The following CNTNAP2 variants were observed in gnomAD, a reference collection of about 807,000 sequenced individuals.
The protein encoded by CNTNAP2 is contactin associated protein 2.
A neutral mutation model predicts 155.2 loss-of-function variants in CNTNAP2; 98 were observed. That is an observed-to-expected ratio of 0.63 (90% confidence interval 0.54 to 0.75). CNTNAP2 has a LOEUF of 0.75. Ranked by LOEUF, CNTNAP2 falls within the 30% of genes least tolerant of loss-of-function variation. The probability of loss-of-function intolerance (pLI) is 0.00; values close to 1 mark genes in which losing one functional copy is unlikely to be tolerated. For synonymous variants in CNTNAP2, 651 were observed against 631.2 expected (o/e 1.03, Z -0.47); for missense variants, 1,727 against 1,688.1 (o/e 1.02, Z -0.40).
rs147027146 is a variant in CNTNAP2 at position 147,620,954 on chromosome 7, A to G, written c.1898-18152A>G. 3.2e-3 allele frequency among the ~76,000 whole-genome samples: 485 copies of G among 152,292 alleles called. 3 individuals are homozygous for G. The highest frequency in any genetic ancestry group is 0.011 in the African/African-American group (451 of 41,576). On this transcript the variant is annotated intron_variant, in intron 12 of 23. Coordinates refer to ENST00000361727, the MANE Select transcript of CNTNAP2 (RefSeq NM_014141.6). The stretch of plus-strand genomic sequence containing the variant: ...GGCATTTAATAACTCCAAAAGGTCA[A>G]GGATAAAGAAAGGATTCTAAAAGCA...
chr7:148,330,993 G>C (rs911502535), intron 21 of CNTNAP2, among the ~76,000 whole-genome samples: 2 of 149,852 alleles, frequency 1.3e-5, no homozygotes, highest in Non-Finnish European at 3.0e-5. Flanking sequence ...TGGAATGAAC[G>C]CATGGAATGA....
chr7:147,326,124 C>T (rs946356165), intron 9 of CNTNAP2, among the ~76,000 whole-genome samples: 2 of 152,214 alleles, frequency 1.3e-5, no homozygotes, highest in Non-Finnish European at 1.5e-5. Context: ...TGGGGTTTCA[C>T]CGTGTTAGCC....
chr7:146,732,884 T>G (rs1801550600), intron 1 of CNTNAP2, among the ~76,000 whole-genome samples: 1 of 152,148 alleles, frequency 6.6e-6, no homozygotes, highest in South Asian at 2.1e-4. Context: ...ATTTGCATTA[T>G]TTTTTATTAT....
chr7:147,042,113 T>A (rs1799270908), intron 3 of CNTNAP2, among the ~76,000 whole-genome samples: 1 of 152,224 alleles, frequency 6.6e-6, no homozygotes, highest in Admixed American at 6.5e-5. Context: ...GAGGATGCTC[T>A]ATTAAGTGTT....
chr7:146,725,655 C>T (rs1366495791), intron 1 of CNTNAP2, among the ~76,000 whole-genome samples: 1 of 152,046 alleles, frequency 6.6e-6, no homozygotes, highest in African/African-American at 2.4e-5. Flanking sequence ...AAAGATTGGC[C>T]TTTCCAGATG....
At chr7:146,137,489 A>AT (rs1797814594) in intron 1 of CNTNAP2, among the ~76,000 whole-genome samples, 1 of 152,146 alleles carries the variant, frequency 6.6e-6, no homozygotes, top group Non-Finnish European at 1.5e-5. Context: ...ACAAAGAAAT[A>AT]TTTAGGACTT....
At chr7:148,003,060 G>C (rs1036036081) in intron 15 of CNTNAP2, among the ~76,000 whole-genome samples, 3 of 152,152 alleles carry the variant, frequency 2.0e-5, no homozygotes, top group African/African-American at 7.2e-5. Context: ...AAAGCCTTGT[G>C]CTGACAGTGC....
At chr7:147,546,002 T>C (rs1350061868) in intron 11 of CNTNAP2, among the ~76,000 whole-genome samples, 5 of 152,198 alleles carry the variant, frequency 3.3e-5, no homozygotes. Flanking sequence ...GACTTTCACC[T>C]TCCGCCATGA....
At chr7:148,103,722 G>A (rs1406208246) in intron 15 of CNTNAP2, among the ~76,000 whole-genome samples, 1 of 152,144 alleles carries the variant, frequency 6.6e-6, no homozygotes, top group African/African-American at 2.4e-5. Context: ...CTTAAAATCA[G>A]AGCATTCATT....
Position 147,464,024 on chromosome 7 carries a change from C to A in CNTNAP2, c.1671-21911C>A, listed in dbSNP as rs1384568745. Among the ~76,000 whole-genome samples the A allele has an allele frequency of 2.1e-5, 3 of 144,056 alleles. No individual in the cohort carries two copies. The Admixed American group carries it at 2.1e-4, about 10-fold the overall frequency. The allele number at this position is 144,056 out of a possible 152,430, so 94.5% of individuals were successfully genotyped here. A position where few individuals can be genotyped will look rare whatever the true frequency, so the allele number is the denominator to read the frequency against. ...AGAGAGAATGTGTCTGGCCAAAAGA[C>A]ATCCCAATTGTTTAAAGACAATACA... On this transcript the variant is annotated intron_variant, in intron 10 of 23. Coordinates refer to ENST00000361727, the MANE Select transcript of CNTNAP2 (RefSeq NM_014141.6).
At chr7:147,901,090 C>G (rs1474918353) in intron 13 of CNTNAP2, among the ~76,000 whole-genome samples, 1 of 152,170 alleles carries the variant, frequency 6.6e-6, no homozygotes, top group Admixed American at 6.5e-5. Flanking sequence ...ACTCCCTGCC[C>G]ATCTTCTCTT....
chr7:146,896,992 A>G (rs1049795850), intron 3 of CNTNAP2, among the ~76,000 whole-genome samples: 1 of 152,152 alleles, frequency 6.6e-6, no homozygotes, highest in African/African-American at 2.4e-5. Flanking sequence ...GAAATTTCAT[A>G]CAAAACTGAA....
chr7:147,760,612 A>AT (rs1206722759), intron 13 of CNTNAP2, among the ~76,000 whole-genome samples: 2 of 152,132 alleles, frequency 1.3e-5, no homozygotes, highest in Non-Finnish European at 2.9e-5. Context: ...CATGTAGATA[A>AT]TTTTTCCTGG....
At chr7:148,379,689 A>G (rs1304216945) in intron 21 of CNTNAP2, among the ~76,000 whole-genome samples, 1 of 152,180 alleles carries the variant, frequency 6.6e-6, no homozygotes, top group Non-Finnish European at 1.5e-5. Context: ...TCCAGCCTGG[A>G]TGACAGAGTA....
chr7:147,437,320 G>C (rs1797566865), intron 10 of CNTNAP2, among the ~76,000 whole-genome samples: 1 of 152,146 alleles, frequency 6.6e-6, no homozygotes, highest in Non-Finnish European at 1.5e-5. Flanking sequence ...GCTGCATAGA[G>C]CTTTTTCTGA....
intron 11 of CNTNAP2, among the ~76,000 whole-genome samples, chr7:147,519,733 G>T (rs1799199206): frequency 6.6e-6 from 1 of 152,142 alleles, no homozygotes; most frequent in Admixed American, 6.5e-5. Context: ...TGGACATGGT[G>T]GTGTGCCTGT....
At chr7:146,251,740 G>T (rs1245860664) in intron 1 of CNTNAP2, among the ~76,000 whole-genome samples, 4 of 152,062 alleles carry the variant, frequency 2.6e-5, no homozygotes, top group Admixed American at 6.6e-5. Context: ...ATTTCCAAAG[G>T]TTACTTAAAT....
At chr7:146,466,710 A>C (rs959397603) in intron 1 of CNTNAP2, among the ~76,000 whole-genome samples, 3 of 152,228 alleles carry the variant, frequency 2.0e-5, no homozygotes, top group African/African-American at 7.2e-5. Flanking sequence ...GAAATTGCTC[A>C]TAATTGTTTG....
At chr7:147,022,030 A>G (rs34176934) in intron 3 of CNTNAP2, among the ~76,000 whole-genome samples, 7,623 of 152,130 alleles carry the variant, frequency 0.05, 245 homozygotes, top group African/African-American at 0.083. Flanking sequence ...ATTTTTATAT[A>G]TATGAAATAT....
Sources: gnomAD v4.1 joint callset for allele counts (sites outside exome capture counted in the v4.1 genomes callset) on GRCh38, gnomAD v4.1.1 for gene constraint, MANE v1.5 for transcripts, NCBI Gene and HGNC (gene_info 2026-07-23, HGNC 2026-07-21) for gene names.